The following ADGRL2 variants were observed in gnomAD, a reference collection of about 807,000 sequenced individuals.
ADGRL2 encodes the protein adhesion G protein-coupled receptor L2.
Under a neutral mutation model 157.4 loss-of-function variants are expected in ADGRL2, and 44 were observed. That is an observed-to-expected ratio of 0.28 (90% CI 0.22 to 0.36). The LOEUF (loss-of-function observed/expected upper bound fraction) is 0.36. Ranked by LOEUF, ADGRL2 falls within the 10% of genes least tolerant of loss-of-function variation. ADGRL2 has a pLI of 1.00. For missense variants in ADGRL2, 1,510 were observed against 1,768.9 expected (o/e 0.85, Z 2.63); for synonymous variants, 585 against 624.7 (o/e 0.94, Z 0.95).
intron 2 of ADGRL2, among the ~76,000 whole-genome samples, chr1:81,880,564 T>C (rs1357703545): frequency 6.6e-6 from 1 of 152,076 alleles, no homozygotes; most frequent in Non-Finnish European, 1.5e-5. Context: ...TGAAACCAGG[T>C]TGCCGGGTTC....
At chr1:81,507,133 G>T (rs777221665) in intron 2 of ADGRL2, among the ~76,000 whole-genome samples, 2 of 151,994 alleles carry the variant, frequency 1.3e-5, no homozygotes, top group African/African-American at 4.8e-5. Flanking sequence ...GTTTTAGAGA[G>T]TGTGATCAGG....
At chr1:81,452,803 G>A (rs1307509516) in intron 2 of ADGRL2, among the ~76,000 whole-genome samples, 5 of 152,138 alleles carry the variant, frequency 3.3e-5, no homozygotes, top group Non-Finnish European at 7.4e-5. Flanking sequence ...ATGAAGATAT[G>A]AAACCTAAAG....
intron 2 of ADGRL2, among the ~76,000 whole-genome samples, chr1:81,850,437 C>T (rs141025979): frequency 4.6e-5 from 7 of 151,946 alleles, no homozygotes; most frequent in Admixed American, 1.3e-4. Flanking sequence ...AATTCTATGA[C>T]CTGTTTTTCA....
intron 3 of ADGRL2, among the ~76,000 whole-genome samples, chr1:81,613,875 A>AT (rs1195067320): frequency 6.6e-6 from 1 of 152,058 alleles, no homozygotes; most frequent in Non-Finnish European, 1.5e-5. Flanking sequence ...GTGAGAGCGC[A>AT]TTTTTTTCCT....
In ADGRL2 at chr1:81,632,497, G is replaced by A. The variant is rs575229092; in HGVS notation, c.-143+51517G>A. On this transcript the variant is annotated intron_variant, in intron 3 of 24. Transcript: ENST00000370721. The stretch of plus-strand genomic sequence containing the variant: ...TCATAGGCCCGGCACGGTGGCTTAT[G>A]CCTGTAATCCCAGCACTTTGGGAGG... Among the ~76,000 whole-genome samples the A allele has an allele frequency of 7.2e-5, 11 of 152,256 alleles. No individual in the cohort carries two copies. In the East Asian group the frequency reaches 2.1e-3, roughly 29 times the overall value.
chr1:81,975,383 G>A (rs985499520), intron 17 of ADGRL2, among the ~76,000 whole-genome samples: 4 of 152,094 alleles, frequency 2.6e-5, no homozygotes, highest in South Asian at 2.1e-4. Flanking sequence ...TTTAAACTTC[G>A]TAGTATTTAC....
chr1:81,952,194 T>G, intron 9 of ADGRL2, 52 bp downstream of exon 9: 6 of 1,458,230 alleles, frequency 4.1e-6, no homozygotes, highest in Non-Finnish European at 5.6e-6. Flanking sequence ...ATGGCAGCTC[T>G]TTCTTGTCTT....
intron 1 of ADGRL2, among the ~76,000 whole-genome samples, chr1:81,826,931 G>A (rs1159891823): frequency 1.3e-5 from 2 of 152,090 alleles, no homozygotes; most frequent in African/African-American, 4.8e-5. Flanking sequence ...ATTTATTTCA[G>A]TGTGATACTT....
intron 1 of ADGRL2, among the ~76,000 whole-genome samples, chr1:81,324,982 G>T (rs928794364): frequency 6.6e-6 from 1 of 152,090 alleles, no homozygotes; most frequent in African/African-American, 2.4e-5. Context: ...CTCCCAAAGT[G>T]CTGGGATTAC....
intron 1 of ADGRL2, among the ~76,000 whole-genome samples, chr1:81,824,965 C>CTCTCTCTT (rs1368168789): frequency 2.9e-5 from 4 of 139,838 alleles, no homozygotes; most frequent in Non-Finnish European, 3.2e-5. Flanking sequence ...CTCTCTCTCT[C>CTCTCTCTT]TCTCTCTCTC....
rs71592740 is a variant in ADGRL2 at position 81,766,830 on chromosome 1, C to CA, written c.-101+4993dup. 1.5e-3 allele frequency among the ~76,000 whole-genome samples: 123 copies of CA among 80,866 alleles called. 2 individuals are homozygous for CA. Among genetic ancestry groups the CA allele is most frequent in the Non-Finnish European group, 2.0e-3 (85 of 42,088 alleles). 53.1% of individuals were successfully genotyped at this position (80,866 alleles called of 152,430 possible). On this transcript the variant is annotated intron_variant, in intron 2 of 20. Transcript: ENST00000359929. ...GGGCAACAAGAGCAAAACTCCGTCT[C>CA]AAAAAAAAAAAAAAAGGAAAAAAAA...
At chr1:81,760,076 T>C (rs1259525991) in intron 1 of ADGRL2, among the ~76,000 whole-genome samples, 2 of 152,062 alleles carry the variant, frequency 1.3e-5, no homozygotes, top group African/African-American at 2.4e-5. Flanking sequence ...ATCAATGAAG[T>C]AGGAAAGTCC....
At chr1:81,863,203 T>C (rs1474010971) in intron 2 of ADGRL2, among the ~76,000 whole-genome samples, 4 of 152,090 alleles carry the variant, frequency 2.6e-5, no homozygotes, top group Non-Finnish European at 4.4e-5. Context: ...CTTTGCAGGA[T>C]TGGTTGCCTT....
chr1:81,393,083 T>C (rs1368309161), intron 1 of ADGRL2, among the ~76,000 whole-genome samples: 1 of 152,094 alleles, frequency 6.6e-6, no homozygotes, highest in African/African-American at 2.4e-5. Context: ...GTTCCAGCTG[T>C]TTGTTCTTTT....
intron 1 of ADGRL2, among the ~76,000 whole-genome samples, chr1:81,349,036 C>T (rs933351361): frequency 6.6e-6 from 1 of 152,128 alleles, no homozygotes; most frequent in Non-Finnish European, 1.5e-5. Flanking sequence ...TTTGATTACA[C>T]TTAAACCATA....
At chr1:81,794,288 A>T (rs2087484229) in intron 2 of ADGRL2, among the ~76,000 whole-genome samples, 1 of 152,192 alleles carries the variant, frequency 6.6e-6, no homozygotes, top group African/African-American at 2.4e-5. Flanking sequence ...GGACAACTAA[A>T]GTTGCCCCCA....
At chr1:81,502,950 A>G in intron 2 of ADGRL2, 4 of 1,612,616 alleles carry the variant, frequency 2.5e-6, no homozygotes, top group Non-Finnish European at 3.4e-6. Context: ...CTCTCAGGAA[A>G]GGTGATGGAG....
At chr1:81,377,521 C>G (rs1339682054) in intron 1 of ADGRL2, among the ~76,000 whole-genome samples, 1 of 151,984 alleles carries the variant, frequency 6.6e-6, no homozygotes, top group African/African-American at 2.4e-5. Context: ...ACTAAGAAGG[C>G]AGGAAAGGTG....
chr1:81,728,513 CT>C (rs893966240), intron 1 of ADGRL2, among the ~76,000 whole-genome samples: 4 of 152,244 alleles, frequency 2.6e-5, no homozygotes, highest in African/African-American at 7.2e-5. Context: ...CTCTGCAGAA[CT>C]TTTTTTCTTC....
Sources: allele counts gnomAD v4.1 joint callset (sites outside exome capture counted in the v4.1 genomes callset), GRCh38; gene constraint gnomAD v4.1.1; transcripts MANE v1.5; gene names NCBI Gene and HGNC (gene_info 2026-07-23, HGNC 2026-07-21).